The following MGAT5B variants were observed in gnomAD, a reference collection of about 807,000 sequenced individuals.
MGAT5B encodes N-acetylglucosaminyl-transferase Vb.
A neutral mutation model predicts 95.1 loss-of-function variants in MGAT5B; 54 were observed. That is an observed-to-expected ratio of 0.57 (90% CI 0.46 to 0.71). The LOEUF (loss-of-function observed/expected upper bound fraction) is 0.71, where lower values mean the gene tolerates loss of function less well. Ranked by LOEUF, MGAT5B falls within the 30% of genes least tolerant of loss-of-function variation. The probability of loss-of-function intolerance (pLI) is 0.00; values close to 1 mark genes in which losing one functional copy is unlikely to be tolerated. For synonymous variants in MGAT5B, 464 were observed against 451.0 expected (o/e 1.03, Z -0.36); for missense variants, 935 against 1,088.6 (o/e 0.86, Z 1.99).
Position 76,924,940 on chromosome 17 carries a change from C to T in MGAT5B, c.1026-26C>T, listed in dbSNP as rs756908743. The stretch of plus-strand genomic sequence containing the variant: ...TTGGGCAGGTGGGTTTCTTGGGGCC[C>T]AGAATCTGAAGGGCTCTTCTCTCAG... On this transcript the variant is annotated intron_variant, in intron 8 of 17. Transcript: ENST00000569840. 8 of 1,611,152 alleles carry T rather than the reference C, an allele frequency of 5.0e-6. No homozygotes were observed. The South Asian group carries it at 5.5e-5, about 11-fold the overall frequency.
intron 8 of MGAT5B, among the ~76,000 whole-genome samples, chr17:76,921,629 G>A (rs1418284017): frequency 6.6e-6 from 1 of 152,106 alleles, no homozygotes; most frequent in Non-Finnish European, 1.5e-5. Flanking sequence ...AGAGGCTGCT[G>A]CAGATCCTGG....
chr17:76,937,335 G>A (rs897495713), intron 12 of MGAT5B, among the ~76,000 whole-genome samples: 1 of 152,164 alleles, frequency 6.6e-6, no homozygotes, highest in Non-Finnish European at 1.5e-5. Flanking sequence ...ATGAGAGGAT[G>A]GATGGATAGA....
At chr17:76,920,944 G>C (rs1211816424) in intron 8 of MGAT5B, among the ~76,000 whole-genome samples, 1 of 152,218 alleles carries the variant, frequency 6.6e-6, no homozygotes, top group African/African-American at 2.4e-5. Flanking sequence ...TAGTGGGTCA[G>C]GTCCTGTCCC....
intron 5 of MGAT5B, among the ~76,000 whole-genome samples, chr17:76,903,942 C>T (rs1006050862): frequency 4.6e-5 from 7 of 152,214 alleles, no homozygotes; most frequent in Admixed American, 2.6e-4. Context: ...AGCAGGGAGA[C>T]GGGGACCAGA....
chr17:76,877,873 A>G (rs1317578886), intron 2 of MGAT5B, among the ~76,000 whole-genome samples: 3 of 151,820 alleles, frequency 2.0e-5, no homozygotes, highest in South Asian at 4.2e-4. Context: ...AGAGACGAAG[A>G]GCGTCTGGGG....
intron 11 of MGAT5B, 95 bp downstream of exon 11, chr17:76,932,870 C>T: frequency 6.7e-7 from 1 of 1,501,132 alleles, no homozygotes. Flanking sequence ...GCGGTGCCCT[C>T]CTCCCGCCCC....
chr17:76,882,179 C>A lies in MGAT5B; in HGVS notation c.210C>A (p.Val70=). ...TGGGGGGCCCCGAGTCCCGCGGCGT[C>A]CTGCGCAAGATGAGCGACCTGCTGG... The part of the protein sequence containing the change: ...EVMGGPESRG[V]LRKMSDLLEL... The change falls in exon 3 of 18, where the codon GTC becomes GTA. Residue 70 remains valine (V), a synonymous_variant. Coordinates refer to ENST00000569840, the MANE Select transcript of MGAT5B (RefSeq NM_001199172.2). The A allele has an allele frequency of 6.2e-7, 1 of 1,613,030 alleles. No homozygotes were observed. Among genetic ancestry groups the A allele is most frequent in the Non-Finnish European group, 8.5e-7 (1 of 1,179,566 alleles).
intron 9 of MGAT5B, among the ~76,000 whole-genome samples, chr17:76,925,968 C>T (rs1426432590): frequency 6.6e-6 from 1 of 152,142 alleles, no homozygotes; most frequent in African/African-American, 2.4e-5. Flanking sequence ...CAAGACCCCT[C>T]TGGGTTTTGA....
At chr17:76,899,681 T>A (rs1483006427) in intron 3 of MGAT5B, among the ~76,000 whole-genome samples, 1 of 152,066 alleles carries the variant, frequency 6.6e-6, no homozygotes, top group African/African-American at 2.4e-5. Flanking sequence ...AAAAAAATAT[T>A]CATTCCTGTC....
At chr17:76,876,281 G>A (rs1029750514) in intron 2 of MGAT5B, among the ~76,000 whole-genome samples, 17 of 152,042 alleles carry the variant, frequency 1.1e-4, no homozygotes, top group African/African-American at 3.4e-4. Context: ...AGGGCTTCAC[G>A]GGGAGGTGCT....
At chr17:76,921,069 G>A (rs1051189258) in intron 8 of MGAT5B, among the ~76,000 whole-genome samples, 2 of 152,158 alleles carry the variant, frequency 1.3e-5, no homozygotes, top group African/African-American at 2.4e-5. Flanking sequence ...GGAGCATAGC[G>A]GGAGGGGTGT....
rs1172137418 is a variant in MGAT5B at position 76,938,183 on chromosome 17, C to G, written c.1584+40C>G. 6.2e-7 allele frequency: 1 copy of G among 1,606,156 alleles called. No individual in the cohort carries two copies. Among genetic ancestry groups the G allele is most frequent in the Admixed American group, 1.7e-5 (1 of 59,852 alleles). The stretch of plus-strand genomic sequence containing the variant: ...CCCGCACCATTCTCACACTTGCCGG[C>G]TGCAGACACTGAGGTCACCACCCAT... On this transcript the variant is annotated intron_variant, in intron 13 of 17. Coordinates refer to ENST00000569840, the MANE Select transcript of MGAT5B (RefSeq NM_001199172.2). This position sits in a 1 kb window ranked among gnomAD's most constrained non-coding sequence, Gnocchi z 4.3.
intron 3 of MGAT5B, among the ~76,000 whole-genome samples, chr17:76,901,421 G>C (rs971099353): frequency 3.4e-5 from 5 of 149,230 alleles, no homozygotes; most frequent in African/African-American, 1.2e-4. Context: ...AAAAAGGCAA[G>C]CAGCTTCCTG....
chr17:76,895,073 T>C (rs1968017830), intron 3 of MGAT5B, among the ~76,000 whole-genome samples: 1 of 152,042 alleles, frequency 6.6e-6, no homozygotes, highest in Non-Finnish European at 1.5e-5. Flanking sequence ...TTACGGCTGC[T>C]CCTCATCGCT....
intron 15 of MGAT5B, among the ~76,000 whole-genome samples, chr17:76,942,777 G>A (rs969360599): frequency 2.6e-5 from 4 of 152,132 alleles, no homozygotes; most frequent in South Asian, 4.1e-4. Context: ...AGGCGTACAG[G>A]TAGGCAAGGG....
intron 3 of MGAT5B, among the ~76,000 whole-genome samples, chr17:76,899,841 C>T (rs1003905157): frequency 4.5e-5 from 5 of 110,422 alleles, no homozygotes; most frequent in Non-Finnish European, 8.2e-5. Flanking sequence ...ACATCACTGC[C>T]AAAAGGGAGA....
At chr17:76,946,338 C>T in intron 15 of MGAT5B, 38 bp from the exon 16 acceptor site, 2 of 1,566,582 alleles carry the variant, frequency 1.3e-6, no homozygotes, top group Non-Finnish European at 1.7e-6. Context: ...ACGGCTGGGC[C>T]TTCTCCCGCC....
intron 12 of MGAT5B, among the ~76,000 whole-genome samples, chr17:76,936,918 T>G (rs1657487522): frequency 6.6e-6 from 1 of 152,222 alleles, no homozygotes; most frequent in Non-Finnish European, 1.5e-5. Flanking sequence ...TTGTCTATTC[T>G]AGGTTCTTTG....
At position 76,878,462 on chromosome 17, in the gene MGAT5B, G is replaced by A. The variant is rs75276224; in HGVS notation, c.182-3689G>A. 6.9e-4 allele frequency among the ~76,000 whole-genome samples: 105 copies of A among 152,218 alleles called. 3 individuals carry two copies. In the East Asian group the frequency reaches 0.02, roughly 29 times the overall value. ...CCAGGCTGCAATGACCCATGCCTCT[G>A]TATGTCCTCAGGGTTTTTGTTTGTT... is the stretch of plus-strand genomic sequence containing the variant. On this transcript the variant is annotated intron_variant, in intron 2 of 17. Coordinates refer to ENST00000569840, the MANE Select transcript of MGAT5B (RefSeq NM_001199172.2).
Sources: allele counts gnomAD v4.1 joint callset (sites outside exome capture counted in the v4.1 genomes callset), GRCh38; gene constraint gnomAD v4.1.1; non-coding constraint Gnocchi (gnomAD v3.1); transcripts MANE v1.5; gene names NCBI Gene and HGNC (gene_info 2026-07-23, HGNC 2026-07-21).